Variants in CHKA observed in about 807,000 individuals in gnomAD.
CHKA encodes choline kinase alpha.
In CHKA, 34 loss-of-function variants were observed where a neutral mutation model predicts 60.1. The observed-to-expected ratio is 0.57, with a 90% CI of 0.43 to 0.75. CHKA has a LOEUF of 0.75. CHKA is among the 30% of genes least tolerant of loss of function. The pLI is 0.00. For missense variants in CHKA, 563 were observed against 561.3 expected (o/e 1.00, Z -0.03); for synonymous variants, 217 against 223.1 (o/e 0.97, Z 0.24).
intron 10 of CHKA, among the ~76,000 whole-genome samples, chr11:68,063,097 G>C (rs964630907): frequency 3.3e-5 from 5 of 152,174 alleles, no homozygotes; most frequent in African/African-American, 1.2e-4. Context: ...TGAGAAAACA[G>C]TTAAAAGCAA....
intron 8 of CHKA, 96 bp downstream of exon 8, chr11:68,066,333 C>A (rs577953974): frequency 9.7e-7 from 1 of 1,030,826 alleles, no homozygotes; most frequent in Non-Finnish European, 1.5e-6. Flanking sequence ...CAACTCAGAG[C>A]GGCATTTTGA....
At position 68,061,108 on chromosome 11, in the gene CHKA, T is replaced by G. The variant is rs998571803; in HGVS notation, c.1314+845A>C. Among the ~76,000 whole-genome samples, 50 of 142,048 alleles carry G rather than the reference T, an allele frequency of 3.5e-4. 1 individual carries two copies. The highest frequency in any genetic ancestry group is 1.2e-3 in the African/African-American group (47 of 37,636). 93.2% of individuals were successfully genotyped at this position (142,048 alleles called of 152,430 possible). A position where few individuals can be genotyped will look rare whatever the true frequency, so the allele number is the denominator to read the frequency against. On this transcript the variant is annotated intron_variant, in intron 11 of 11. Transcript: ENST00000265689. ...ATGTCAGTGACAGTTTTTTTTTTTT[T>G]TTTTTTTTTTTTTTTTGAGACAGAA...
rs1858651572 is a variant in CHKA, at chr11:68,121,363, C to G, written c.-186G>C. 1 of 193,278 alleles carries G rather than the reference C, an allele frequency of 5.2e-6. No homozygotes were observed. The highest frequency in any genetic ancestry group is 2.5e-5 in the African/African-American group (1 of 40,310). 12.0% of individuals were successfully genotyped at this position (193,278 alleles called of 1,614,324 possible). A position where few individuals can be genotyped will look rare whatever the true frequency, so the allele number is the denominator to read the frequency against. On this transcript the variant is annotated 5_prime_UTR_variant, in exon 1 of 12. Transcript: ENST00000265689. ...GCGGCGACTGTGGAGCGGGGATGTGCTGCTGGCCGCTGCACTCGCTCCTCT... is the reference window on the plus strand; with the variant it reads ...GCGGCGACTGTGGAGCGGGGATGTGGTGCTGGCCGCTGCACTCGCTCCTCT...
At chr11:68,095,001 T>C (rs1340456150) in intron 2 of CHKA, among the ~76,000 whole-genome samples, 2 of 152,216 alleles carry the variant, frequency 1.3e-5, no homozygotes, top group African/African-American at 2.4e-5. Flanking sequence ...ATGGATATGA[T>C]CTACTTTTTA....
intron 2 of CHKA, among the ~76,000 whole-genome samples, chr11:68,084,230 A>G (rs1225700039): frequency 6.7e-6 from 1 of 148,946 alleles, no homozygotes; most frequent in African/African-American, 2.5e-5. Flanking sequence ...CTGGGTGACA[A>G]GAGCAAAACT....
intron 1 of CHKA, among the ~76,000 whole-genome samples, chr11:68,098,257 T>G (rs1259164820): frequency 1.6e-5 from 2 of 122,386 alleles, no homozygotes; most frequent in East Asian, 2.2e-4. Flanking sequence ...GGCGACAGAG[T>G]GAGACTCCTA....
chr11:68,120,445 T>G (rs1590893103), intron 1 of CHKA, among the ~76,000 whole-genome samples: 1 of 152,180 alleles, frequency 6.6e-6, no homozygotes. Context: ...TTTGTGTTTT[T>G]AAAGCCAGCC....
rs1856812219 is a variant in CHKA at position 68,076,947 on chromosome 11, A to G, written c.517-2117T>C. Reference sequence around the variant, plus strand: ...TATGGAGAGAAGGATTTGGAGAGGAAGAAAATGAGGCCGGGTGCGGTGGCT... The same window carrying G: ...TATGGAGAGAAGGATTTGGAGAGGAGGAAAATGAGGCCGGGTGCGGTGGCT... On this transcript the variant is annotated intron_variant, in intron 3 of 11. Coordinates refer to ENST00000265689, the MANE Select transcript of CHKA (RefSeq NM_001277.3). Among the ~76,000 whole-genome samples the G allele has an allele frequency of 2.0e-5, 3 of 152,312 alleles. No individual in the cohort carries two copies. The South Asian group carries it at 6.2e-4, about 32-fold the overall frequency.
At chr11:68,055,020 C>G (rs887181476) in intron 11 of CHKA, among the ~76,000 whole-genome samples, 2 of 152,242 alleles carry the variant, frequency 1.3e-5, no homozygotes, top group East Asian at 3.8e-4. Flanking sequence ...CGAGTGTTCT[C>G]AGTACACGGA....
chr11:68,108,609 T>C (rs1858009628), intron 1 of CHKA, among the ~76,000 whole-genome samples: 1 of 152,100 alleles, frequency 6.6e-6, no homozygotes, highest in Non-Finnish European at 1.5e-5. Context: ...CCTGGCGTGG[T>C]GGCGGGCGCC....
rs547888287 is a variant in CHKA at position 68,088,564 on chromosome 11, C to T, written c.463-7107G>A. On this transcript the variant is annotated intron_variant, in intron 2 of 11. Coordinates refer to ENST00000265689, the MANE Select transcript of CHKA (RefSeq NM_001277.3). ...GCAGGAAAAAGCATGAGAACCATGA[C>T]TCTATAGAATGTGTTCAATTCTATA... is the stretch of plus-strand genomic sequence containing the variant. Among the ~76,000 whole-genome samples, 3 of 152,178 alleles carry T rather than the reference C, an allele frequency of 2.0e-5. No individual in the cohort carries two copies. The South Asian group carries it at 6.2e-4, about 32-fold the overall frequency.
At chr11:68,068,129 G>A (rs904287574) in intron 7 of CHKA, among the ~76,000 whole-genome samples, 12 of 152,158 alleles carry the variant, frequency 7.9e-5, no homozygotes, top group African/African-American at 2.9e-4. Context: ...AAGCAGAGAA[G>A]CCCGAAATAA....
chr11:68,065,760 C>G, intron 9 of CHKA, 26 bp downstream of exon 9: 2 of 1,413,564 alleles, frequency 1.4e-6, no homozygotes, highest in Non-Finnish European at 2.0e-6. Flanking sequence ...ATTTTCCTAT[C>G]AAGTATACAA....
intron 4 of CHKA, among the ~76,000 whole-genome samples, chr11:68,073,314 A>G (rs1856683094): frequency 6.6e-6 from 1 of 152,182 alleles, no homozygotes; most frequent in Non-Finnish European, 1.5e-5. Flanking sequence ...CTATATTGCC[A>G]CTTATAACCA....
At chr11:68,098,995 T>C (rs1857609355) in intron 1 of CHKA, among the ~76,000 whole-genome samples, 1 of 152,110 alleles carries the variant, frequency 6.6e-6, no homozygotes, top group Non-Finnish European at 1.5e-5. Flanking sequence ...TTACCACAGT[T>C]TTAATAAAAA....
Position 68,121,089 on chromosome 11 carries a change from G to T in CHKA, c.89C>A (p.Ala30Glu). The stretch of plus-strand genomic sequence containing the variant: ...GTCGCGCTGCTGCCCCACGCCGGGC[G>T]CCGGGGCCGCGCTGCCGCTACCGCA... ...LSCGSGSAAP[A>E]PGVGQQRDAA... The change falls in exon 1 of 12, where the codon GCG (alanine) becomes GAG (glutamate). Residue 30 changes from alanine to glutamate, a missense_variant. By Grantham distance (107) the Ala-to-Glu change is moderately radical. Coordinates refer to ENST00000265689, the MANE Select transcript of CHKA (RefSeq NM_001277.3). 1.8e-6 allele frequency: 2 copies of T among 1,142,084 alleles called. No individual in the cohort carries two copies. The highest frequency in any genetic ancestry group is 2.1e-6 in the Non-Finnish European group (2 of 930,698). The allele number at this position is 1,142,084 out of a possible 1,614,324, so 70.7% of individuals were successfully genotyped here.
chr11:68,089,477 T>C (rs1208201978), intron 2 of CHKA, among the ~76,000 whole-genome samples: 1 of 152,208 alleles, frequency 6.6e-6, no homozygotes, highest in African/African-American at 2.4e-5. Context: ...GGTGTCTCCT[T>C]AATGCTGGAA....
At position 68,054,021 on chromosome 11, in the gene CHKA, G is replaced by C. The variant is rs1431955796; in HGVS notation, c.1341C>G (p.Ala447=). Residue 447 remains alanine (A), a synonymous_variant, in exon 12 of 12, where the codon GCC becomes GCG. Transcript: ENST00000265689. ...CAAGCTTCCTCTTCTGGTGGAAATAGGCATCAAACCTTGCTTGGGCGTAGT... is the reference window on the plus strand; with the variant it reads ...CAAGCTTCCTCTTCTGGTGGAAATACGCATCAAACCTTGCTTGGGCGTAGT... ...YMDYAQARFD[A]YFHQKRKLGV is the part of the protein sequence containing the mutation. 6.2e-7 allele frequency: 1 copy of C among 1,613,622 alleles called. No homozygotes were observed. Among genetic ancestry groups the C allele is most frequent in the Admixed American group, 1.7e-5 (1 of 59,944 alleles).
In CHKA at chr11:68,097,111, G is replaced by C; in HGVS notation, c.370C>G (p.Leu124Val). The change falls in exon 2 of 12, where the codon CTG becomes GTG. Residue 124 changes from leucine to valine, a missense_variant. By Grantham distance (32) the Leu-to-Val change is conservative. Coordinates refer to ENST00000265689, the MANE Select transcript of CHKA (RefSeq NM_001277.3). ...GTGTCAGGTAGGGAGCACTGGAACA[G>C]CATGTTGCTAAGGCCGCCTCTGTCA... ...SVIRGGLSNMLFQCSLPDTTA... is the reference protein window; with the variant it reads ...SVIRGGLSNMVFQCSLPDTTA... 1 of 1,613,522 alleles carries C rather than the reference G, an allele frequency of 6.2e-7. No individual in the cohort carries two copies. The highest frequency in any genetic ancestry group is 1.1e-5 in the South Asian group (1 of 90,928).
Sources: allele counts gnomAD v4.1 joint callset (sites outside exome capture counted in the v4.1 genomes callset), GRCh38; gene constraint gnomAD v4.1.1; transcripts MANE v1.5; gene names NCBI Gene and HGNC (gene_info 2026-07-23, HGNC 2026-07-21).